Variants in RORA observed in about 807,000 individuals in gnomAD.
RORA encodes RAR related orphan receptor A.
A neutral mutation model predicts 69.5 loss-of-function variants in RORA; 7 were observed. That is an observed-to-expected ratio of 0.10 (90% confidence interval 0.06 to 0.19). The LOEUF is 0.19. Among genes scored for constraint, RORA ranks in the 10% least tolerant of loss-of-function variants. The pLI is 1.00. For synonymous variants in RORA, 261 were observed against 240.8 expected (o/e 1.08, Z -0.78); for missense variants, 457 against 663.0 (o/e 0.69, Z 3.41).
chr15:60,666,668 A>C (rs2070387331), intron 2 of RORA, among the ~76,000 whole-genome samples: 1 of 152,192 alleles, frequency 6.6e-6, no homozygotes, highest in Non-Finnish European at 1.5e-5. Context: ...ATAAGACTTT[A>C]TAGGTGCAGA....
intron 1 of RORA, among the ~76,000 whole-genome samples, chr15:60,938,020 G>C (rs771725989): frequency 1.3e-5 from 2 of 152,170 alleles, no homozygotes; most frequent in Non-Finnish European, 2.9e-5. Flanking sequence ...GAGAGACTCA[G>C]AGAACGAAAA....
At chr15:61,002,560 T>C (rs1169175701) in intron 1 of RORA, among the ~76,000 whole-genome samples, 1 of 152,190 alleles carries the variant, frequency 6.6e-6, no homozygotes, top group South Asian at 2.1e-4. Context: ...TTGTATTATA[T>C]TGAAAAAAAT....
intron 2 of RORA, among the ~76,000 whole-genome samples, chr15:60,651,124 T>C (rs1338808193): frequency 6.6e-6 from 1 of 152,158 alleles, no homozygotes; most frequent in African/African-American, 2.4e-5. Flanking sequence ...AGGGAGCGGA[T>C]GTGAGGCAGA....
intron 1 of RORA, among the ~76,000 whole-genome samples, chr15:60,712,800 A>T (rs1165502068): frequency 1.3e-5 from 2 of 152,126 alleles, no homozygotes; most frequent in Non-Finnish European, 2.9e-5. Context: ...AACCAATGAC[A>T]CCACTTGGTG....
At chr15:61,157,619 C>T (rs1013782508) in intron 1 of RORA, among the ~76,000 whole-genome samples, 4 of 152,070 alleles carry the variant, frequency 2.6e-5, no homozygotes, top group African/African-American at 9.7e-5. Context: ...GCTGGCACAA[C>T]GAAAGGCACT....
chr15:60,791,372 C>A (rs1340468647), intron 1 of RORA, among the ~76,000 whole-genome samples: 1 of 152,124 alleles, frequency 6.6e-6, no homozygotes, highest in Non-Finnish European at 1.5e-5. Flanking sequence ...TATCTACACA[C>A]AATAATTTTT....
chr15:60,976,527 C>T (rs1000205940), intron 1 of RORA, among the ~76,000 whole-genome samples: 1 of 152,044 alleles, frequency 6.6e-6, no homozygotes, highest in Admixed American at 6.5e-5. Flanking sequence ...GCATCAGCGG[C>T]GACATTTCAA....
At chr15:61,139,772 T>C (rs1319292546) in intron 1 of RORA, among the ~76,000 whole-genome samples, 1 of 152,146 alleles carries the variant, frequency 6.6e-6, no homozygotes, top group Non-Finnish European at 1.5e-5. Flanking sequence ...AGAGTGAGTT[T>C]AAGATCTGAT....
intron 2 of RORA, among the ~76,000 whole-genome samples, chr15:60,642,755 A>G (rs753768112): frequency 1.1e-4 from 16 of 152,212 alleles, no homozygotes; most frequent in Non-Finnish European, 1.5e-4. Flanking sequence ...TGGTAGTGGC[A>G]TGCCAGTAGT....
intron 1 of RORA, among the ~76,000 whole-genome samples, chr15:60,917,223 C>T (rs1891901380): frequency 6.6e-6 from 1 of 152,202 alleles, no homozygotes; most frequent in South Asian, 2.1e-4. Flanking sequence ...CTGGTGCCTT[C>T]CACATTGATC....
chr15:60,997,948 T>C (rs953421557), intron 1 of RORA, among the ~76,000 whole-genome samples: 8 of 152,332 alleles, frequency 5.3e-5, no homozygotes, highest in Non-Finnish European at 1.2e-4. Flanking sequence ...TTCAACACAT[T>C]GTTTATGGAG....
intron 1 of RORA, among the ~76,000 whole-genome samples, chr15:60,708,161 T>C (rs1303175146): frequency 1.3e-5 from 2 of 152,152 alleles, no homozygotes; most frequent in African/African-American, 4.8e-5. Flanking sequence ...CCCTCTGTAT[T>C]ATTCGTGTTG....
At chr15:60,935,198 A>G (rs1197296177) in intron 1 of RORA, among the ~76,000 whole-genome samples, 1 of 152,252 alleles carries the variant, frequency 6.6e-6, no homozygotes, top group Non-Finnish European at 1.5e-5. Context: ...TTGGCTTGCC[A>G]ACCAGTCATT....
At chr15:60,754,290 G>C (rs886565603) in intron 1 of RORA, among the ~76,000 whole-genome samples, 1 of 152,140 alleles carries the variant, frequency 6.6e-6, no homozygotes, top group African/African-American at 2.4e-5. Context: ...CTACCATGGA[G>C]GTTTCGTTGT....
At chr15:60,945,784 G>C (rs533681270) in intron 1 of RORA, among the ~76,000 whole-genome samples, 1 of 152,326 alleles carries the variant, frequency 6.6e-6, no homozygotes, top group East Asian at 1.9e-4. Context: ...ACCTGAAATC[G>C]AGAGGTCACT....
At chr15:60,651,166 T>A (rs1207115407) in intron 2 of RORA, among the ~76,000 whole-genome samples, 1 of 152,202 alleles carries the variant, frequency 6.6e-6, no homozygotes, top group African/African-American at 2.4e-5. Flanking sequence ...GTTGTTACTA[T>A]GTCCCCATCC....
chr15:61,163,234 C>T (rs541302356), intron 1 of RORA, among the ~76,000 whole-genome samples: 196 of 152,208 alleles, frequency 1.3e-3, no homozygotes, highest in Non-Finnish European at 2.5e-3. Context: ...TCATGGAAGG[C>T]CACATAGAAA....
chr15:61,102,199 T>C (rs140502749), intron 1 of RORA, among the ~76,000 whole-genome samples: 155 of 152,264 alleles, frequency 1.0e-3, no homozygotes, highest in African/African-American at 3.5e-3. Context: ...TTGTCAGCAG[T>C]TGTCAGCAGG....
intron 1 of RORA, among the ~76,000 whole-genome samples, chr15:60,914,043 C>T (rs1290808001): frequency 2.0e-5 from 3 of 152,088 alleles, no homozygotes. Context: ...CTAGTGTATA[C>T]CATGGTGTCT....
Sources: gnomAD v4.1 joint callset for allele counts (sites outside exome capture counted in the v4.1 genomes callset) on GRCh38, gnomAD v4.1.1 for gene constraint, MANE v1.5 for transcripts, NCBI Gene and HGNC (gene_info 2026-07-23, HGNC 2026-07-21) for gene names.